The following CFH variants were observed in gnomAD, a reference collection of about 807,000 sequenced individuals.
CFH encodes complement factor H, also known as H factor 1 (complement).
Under a neutral mutation model 147.3 loss-of-function variants are expected in CFH, and 53 were observed. The observed-to-expected ratio is 0.36, with a 90% CI of 0.29 to 0.45. The LOEUF (loss-of-function observed/expected upper bound fraction) is 0.45. Ranked by LOEUF, CFH falls within the 20% of genes least tolerant of loss-of-function variation. The probability of loss-of-function intolerance (pLI) is 1.00; values close to 1 mark genes in which losing one functional copy is unlikely to be tolerated. For synonymous variants in CFH, 536 were observed against 489.4 expected (o/e 1.10, Z -1.26); for missense variants, 1,380 against 1,498.0 (o/e 0.92, Z 1.30).
intron 1 of CFH, among the ~76,000 whole-genome samples, chr1:196,663,917 C>T (rs1192310204): frequency 1.3e-5 from 2 of 152,108 alleles, no homozygotes; most frequent in Non-Finnish European, 2.9e-5. Flanking sequence ...TGGTGAATGC[C>T]CACAGTGCAG....
intron 18 of CFH, 58 bp from the exon 19 acceptor site, chr1:196,741,812 ATGTAT>A: frequency 1.4e-6 from 2 of 1,439,396 alleles, no homozygotes; most frequent in Non-Finnish European, 9.8e-7. Context: ...AATCCATTAC[ATGTAT>A]TGTATGTAAC....
At chr1:196,681,349 CTTT>C (rs1667648995) in intron 6 of CFH, among the ~76,000 whole-genome samples, 1 of 92,502 alleles carries the variant, frequency 1.1e-5, no homozygotes, top group Admixed American at 1.2e-4. Context: ...TACTTCTTCA[CTTT>C]GATACCTACT....
chr1:196,673,944 T>A lies in CFH; in HGVS notation c.332T>A (p.Val111Glu), dbSNP rs576819823. Residue 111 changes from valine (V) to glutamate (E), a missense_variant, in exon 3 of 22, where the codon GTG becomes GAG. Around this residue, in one of 4 missense-constraint regions of CFH, gnomAD observed 260 missense variants for 263.3 expected, o/e 0.99. Transcript: ENST00000367429. ...GNVFEYGVKA[V>E]YTCNEGYQLL... ...GTGTTTGAATATGGTGTAAAAGCTG[T>A]GTATACATGTAATGAGGGGTATGTA... 72 of 1,611,440 alleles carry A rather than the reference T, an allele frequency of 4.5e-5. No individual in the cohort carries two copies. The South Asian group carries it at 7.1e-4, about 16-fold the overall frequency.
intron 3 of CFH, among the ~76,000 whole-genome samples, chr1:196,675,485 G>C (rs921597381): frequency 6.6e-6 from 1 of 152,076 alleles, no homozygotes; most frequent in Non-Finnish European, 1.5e-5. Context: ...CAGAATCATG[G>C]AGGACAGAAA....
At chr1:196,745,470 C>A (rs10801560) in intron 20 of CFH, among the ~76,000 whole-genome samples, 29,550 of 152,018 alleles carry the variant, frequency 0.19, 3,515 homozygotes, top group East Asian at 0.39. Context: ...CATACTTTTC[C>A]ATTTTATAAT....
Position 196,715,644 on chromosome 1 carries a change from C to A in CFH, c.1571C>A (p.Thr524Lys). The A allele has an allele frequency of 6.2e-7, 1 of 1,612,630 alleles. No homozygotes were observed. Among genetic ancestry groups the A allele is most frequent in the Non-Finnish European group, 8.5e-7 (1 of 1,179,100 alleles). Reference sequence around the variant, plus strand: ...AATGCCAGAACTAAAAATGACTTCACATGGTTTAAGCTGAATGACACATTG... The same window carrying A: ...AATGCCAGAACTAAAAATGACTTCAAATGGTTTAAGCTGAATGACACATTG... ...FMNARTKNDF[T>K]WFKLNDTLDY... The change falls in exon 11 of 22, where the codon ACA becomes AAA. Residue 524 changes from threonine to lysine, a missense_variant. Thr to Lys is a moderately conservative substitution (Grantham distance 78, BLOSUM62 -1). Transcript: ENST00000367429.
intron 11 of CFH, among the ~76,000 whole-genome samples, chr1:196,722,474 T>C (rs1669023114): frequency 6.6e-6 from 1 of 152,134 alleles, no homozygotes; most frequent in Non-Finnish European, 1.5e-5. Context: ...TTACGAGATT[T>C]CCGTTATAGT....
intron 7 of CFH, among the ~76,000 whole-genome samples, chr1:196,685,751 G>A (rs1263264081): frequency 1.3e-5 from 2 of 151,980 alleles, no homozygotes; most frequent in African/African-American, 2.4e-5. Flanking sequence ...TGACACACAT[G>A]GCTGTTGTCA....
chr1:196,660,889 T>C (rs1572997019), intron 1 of CFH, among the ~76,000 whole-genome samples: 1 of 152,186 alleles, frequency 6.6e-6, no homozygotes, highest in Non-Finnish European at 1.5e-5. Flanking sequence ...GGAAATATAA[T>C]AATAACCAGA....
chr1:196,717,173 T>A (rs570929752), intron 11 of CFH, among the ~76,000 whole-genome samples: 55 of 152,230 alleles, frequency 3.6e-4, no homozygotes, highest in Non-Finnish European at 3.7e-4. Context: ...AACAGATTGC[T>A]TAATAAGTCA....
chr1:196,688,039 T>C (rs1667886953), intron 7 of CFH, among the ~76,000 whole-genome samples: 1 of 151,820 alleles, frequency 6.6e-6, no homozygotes, highest in South Asian at 2.1e-4. Flanking sequence ...TCACAGAATT[T>C]AAGAAAGATG....
intron 1 of CFH, among the ~76,000 whole-genome samples, chr1:196,662,876 AAAAAT>A (rs1338734316): frequency 6.6e-6 from 1 of 151,702 alleles, no homozygotes; most frequent in Non-Finnish European, 1.5e-5. Context: ...GATCTTGTCA[AAAAAT>A]AAAATAAAAT....
intron 6 of CFH, among the ~76,000 whole-genome samples, chr1:196,683,902 T>C (rs1199136182): frequency 6.6e-6 from 1 of 151,770 alleles, no homozygotes; most frequent in African/African-American, 2.4e-5. Flanking sequence ...CCATGGGAAA[T>C]CAAATAGTAA....
intron 5 of CFH, chr1:196,677,881 T>G: frequency 1.9e-6 from 1 of 528,110 alleles, no homozygotes; most frequent in Non-Finnish European, 3.4e-6. Flanking sequence ...TCACTTTCAT[T>G]TTATAATGGA....
At chr1:196,697,103 T>G (rs1378779662) in intron 9 of CFH, among the ~76,000 whole-genome samples, 1 of 152,162 alleles carries the variant, frequency 6.6e-6, no homozygotes, top group Non-Finnish European at 1.5e-5. Context: ...GGGCAAGGAC[T>G]TCATGTCTAA....
At chr1:196,714,635 GTATATATATA>G (rs1176351357) in intron 10 of CFH, among the ~76,000 whole-genome samples, 637 of 24,916 alleles carry the variant, frequency 0.026, 41 homozygotes, top group African/African-American at 0.09. Context: ...ACGTATATAT[GTATATATATA>G]TATATATATA....
chr1:196,722,366 T>A (rs571733739), intron 11 of CFH, among the ~76,000 whole-genome samples: 9 of 152,260 alleles, frequency 5.9e-5, no homozygotes, highest in African/African-American at 2.2e-4. Flanking sequence ...ATATGTTTTT[T>A]CAATAAATAT....
At chr1:196,671,634 T>C (rs555030067) in intron 1 of CFH, among the ~76,000 whole-genome samples, 27 of 139,812 alleles carry the variant, frequency 1.9e-4, no homozygotes, top group African/African-American at 7.1e-4. Context: ...ACAGAGTATA[T>C]ACATATACAC....
intron 1 of CFH, among the ~76,000 whole-genome samples, chr1:196,666,624 C>A (rs1667096427): frequency 6.8e-6 from 1 of 148,086 alleles, no homozygotes; most frequent in African/African-American, 2.6e-5. Context: ...CGGTGAAACA[C>A]CGTTTCTACT....
Sources: allele counts gnomAD v4.1 joint callset (sites outside exome capture counted in the v4.1 genomes callset), GRCh38; gene constraint gnomAD v4.1.1; regional missense constraint gnomAD v4.1.1; transcripts MANE v1.5; gene names NCBI Gene and HGNC (gene_info 2026-07-23, HGNC 2026-07-21).